Variants in SLC26A6 observed in about 807,000 individuals in gnomAD.
The protein encoded by SLC26A6 is solute carrier family 26 member 6.
Under a neutral mutation model 87.1 loss-of-function variants are expected in SLC26A6, and 67 were observed. The ratio of observed to expected loss-of-function variants is 0.77; its 90% CI spans 0.63 to 0.94. SLC26A6 has a LOEUF of 0.94. Among genes scored for constraint, SLC26A6 ranks in the 40% least tolerant of loss-of-function variants. The pLI is 0.00. For synonymous variants in SLC26A6, 414 were observed against 405.9 expected (o/e 1.02, Z -0.24); for missense variants, 902 against 973.0 (o/e 0.93, Z 0.97).
chr3:48,628,305 C>T lies in SLC26A6; in HGVS notation c.1800+129G>A. 1.5e-6 allele frequency: 2 copies of T among 1,299,054 alleles called. No individual in the cohort carries two copies. The highest frequency in any genetic ancestry group is 2.1e-6 in the Non-Finnish European group (2 of 935,150). 80.5% of individuals were successfully genotyped at this position (1,299,054 alleles called of 1,614,324 possible). A position where few individuals can be genotyped will look rare whatever the true frequency, so the allele number is the denominator to read the frequency against. ...CTGCTAGGGGAGTGAAGCAGGGTCC[C>T]TGGGAGCATGAGGGAGAAAGGGGAA... On this transcript the variant is annotated intron_variant, in intron 16 of 20. Coordinates refer to ENST00000395550, the MANE Select transcript of SLC26A6 (RefSeq NM_022911.3). This position sits in a 1 kb window ranked among gnomAD's most constrained non-coding sequence, Gnocchi z 4.4.
At position 48,626,686 on chromosome 3, in the gene SLC26A6, CTG is replaced by C. The variant is rs1182907821; in HGVS notation, c.2074-3_2074-2del. The C allele has an allele frequency of 6.2e-7, 1 of 1,614,106 alleles. No homozygotes were observed. The highest frequency in any genetic ancestry group is 1.7e-5 in the Admixed American group (1 of 60,014). On this transcript the variant is annotated splice_acceptor_variant and splice_polypyrimidine_tract_variant and intron_variant, in intron 18 of 20. Transcript: ENST00000395550. LOFTEE classifies it high-confidence loss of function. ...CAATCTCCCGGAAGTCATGGAAAAT[CTG>C]TAGCGGAAAAGGGGGCCAGCCTCAG...
chr3:48,631,826 A>G lies in SLC26A6; in HGVS notation c.751-25T>C, dbSNP rs763728623. ...TCTGAGGAGAGGCCAGGTCACAGCT[A>G]GCACTCAAGGCCATGGGGCACACCT... On this transcript the variant is annotated intron_variant, in intron 6 of 20. Coordinates refer to ENST00000395550, the MANE Select transcript of SLC26A6 (RefSeq NM_022911.3). The G allele has an allele frequency of 4.3e-6, 7 of 1,613,098 alleles. No homozygotes were observed. The Admixed American group carries it at 1.0e-4, about 23-fold the overall frequency.
Position 48,628,811 on chromosome 3 carries a change from C to T in SLC26A6, c.1600-97G>A. The T allele has an allele frequency of 1.4e-6, 2 of 1,389,792 alleles. No individual in the cohort carries two copies. The highest frequency in any genetic ancestry group is 1.0e-6 in the Non-Finnish European group (1 of 1,004,166). 86.1% of individuals were successfully genotyped at this position (1,389,792 alleles called of 1,614,324 possible). ...CTTCCCTAGTGTGCCCAGTGCCTGC[C>T]ACCGCCCAGCCCTCTGCTCCCCAGG... On this transcript the variant is annotated intron_variant, in intron 14 of 20. Transcript: ENST00000395550. This position sits in a 1 kb window ranked among gnomAD's most constrained non-coding sequence, Gnocchi z 4.4.
intron 11 of SLC26A6, 106 bp from the exon 12 acceptor site, chr3:48,630,263 C>A: frequency 7.2e-7 from 1 of 1,380,978 alleles, no homozygotes; most frequent in Non-Finnish European, 1.0e-6. Context: ...GGCAGTACCC[C>A]AGACACAAAC....
intron 1 of SLC26A6, chr3:48,633,926 G>A (rs1195817120): frequency 4.0e-6 from 5 of 1,262,980 alleles, no homozygotes; most frequent in Non-Finnish European, 5.1e-6. Context: ...GCCCAGTGCT[G>A]AGTGTTCTAC....
Position 48,628,948 on chromosome 3 carries a change from C to T in SLC26A6, c.1600-234G>A, listed in dbSNP as rs372363219. Among the ~76,000 whole-genome samples the T allele has an allele frequency of 6.6e-6, 1 of 152,292 alleles. No individual in the cohort carries two copies. The highest frequency in any genetic ancestry group is 2.4e-5 in the African/African-American group (1 of 41,560). ...CTCCTGCCACCACCCAGGCAGGCTT[C>T]ACAGGCTCTTAACCTTTCTCTTGGG... On this transcript the variant is annotated intron_variant, in intron 14 of 20. Coordinates refer to ENST00000395550, the MANE Select transcript of SLC26A6 (RefSeq NM_022911.3). The surrounding 1 kb of genome is among the most constrained non-coding windows in gnomAD (Gnocchi z 4.4).
In SLC26A6 at chr3:48,626,771, G is replaced by T. The variant is rs769307062; in HGVS notation, c.2074-86C>A. On this transcript the variant is annotated intron_variant, in intron 18 of 20. Transcript: ENST00000395550. ...GCAGGCTTGGGGAGGGAGTTTAGAA[G>T]GGGAGCTTTGAGGGTTTGGGGAGTC... is the stretch of plus-strand genomic sequence containing the variant. 6.7e-4 allele frequency: 1,083 copies of T among 1,608,932 alleles called. 1 individual carries two copies. The highest frequency in any genetic ancestry group is 8.7e-4 in the Non-Finnish European group (1,021 of 1,176,348).
chr3:48,633,193 C>T lies in SLC26A6; in HGVS notation c.322+58G>A. Reference sequence around the variant, plus strand: ...AGTTCCAAGGTAGAGGTCATGGCCCCAGTTTTGGGCATCACAGACCACAGG... The same window carrying T: ...AGTTCCAAGGTAGAGGTCATGGCCCTAGTTTTGGGCATCACAGACCACAGG... On this transcript the variant is annotated intron_variant, in intron 3 of 20. Transcript: ENST00000395550. 3.8e-6 allele frequency: 6 copies of T among 1,594,480 alleles called. No homozygotes were observed. In the South Asian group the frequency reaches 6.8e-5, roughly 18 times the overall value.
chr3:48,632,833 T>C (rs1242541691), intron 4 of SLC26A6, 141 bp downstream of exon 4: 1 of 830,520 alleles, frequency 1.2e-6, no homozygotes, highest in Non-Finnish European at 2.0e-6. Context: ...TGCCTGGGGA[T>C]GACTCGTGGG....
At chr3:48,633,869 G>A in intron 1 of SLC26A6, 1 of 1,410,156 alleles carries the variant, frequency 7.1e-7, no homozygotes, top group South Asian at 1.5e-5. Context: ...CCCCCAAGTA[G>A]GGACTGCAGG....
chr3:48,631,746 G>A lies in SLC26A6; in HGVS notation c.806C>T (p.Thr269Ile). The change falls in exon 7 of 21, where the codon ACT (threonine) becomes ATT (isoleucine). Residue 269 changes from threonine to isoleucine, a missense_variant. Coordinates refer to ENST00000395550, the MANE Select transcript of SLC26A6 (RefSeq NM_022911.3). ...LPQSKVGTVV[T>I]AAVAGVVLVV... is the part of the protein sequence containing the mutation. ...GAGCACCACCCCAGCCACAGCTGCA[G>A]TGACCACGGTGCCAACCTTGCTCTG... The A allele has an allele frequency of 6.2e-7, 1 of 1,613,604 alleles. No individual in the cohort carries two copies. Among genetic ancestry groups the A allele is most frequent in the Non-Finnish European group, 8.5e-7 (1 of 1,180,030 alleles).
chr3:48,630,386 T>A, intron 11 of SLC26A6, 52 bp downstream of exon 11: 1 of 1,533,502 alleles, frequency 6.5e-7, no homozygotes, highest in Non-Finnish European at 8.8e-7. Context: ...ACTGGCTGAT[T>A]TGAGAGCCCT....
In SLC26A6 at chr3:48,629,631, C is replaced by T. The variant is rs1310120981; in HGVS notation, c.1599+11G>A. The T allele has an allele frequency of 1.9e-6, 3 of 1,606,356 alleles. No homozygotes were observed. The African/African-American group carries it at 4.0e-5, about 22-fold the overall frequency. On this transcript the variant is annotated intron_variant, in intron 14 of 20. Coordinates refer to ENST00000395550, the MANE Select transcript of SLC26A6 (RefSeq NM_022911.3). ...CCATCCACACCATCTCACTCAGCCC[C>T]TGACACTCACCTCTGAGTACTCTGC...
intron 19 of SLC26A6, 68 bp downstream of exon 19, chr3:48,626,563 G>A (rs2046628031): frequency 6.2e-7 from 1 of 1,607,760 alleles, no homozygotes; most frequent in East Asian, 2.2e-5. Flanking sequence ...GTGCTACTTG[G>A]AAAACCCCTT....
intron 20 of SLC26A6, 26 bp downstream of exon 20, chr3:48,626,192 G>T (rs751166660): frequency 6.2e-7 from 1 of 1,613,902 alleles, no homozygotes; most frequent in Non-Finnish European, 8.5e-7. Context: ...ACAAAAAAGA[G>T]CTTGGCAGGC....
chr3:48,632,404 G>A lies in SLC26A6; in HGVS notation c.434-8C>T. 6.2e-7 allele frequency: 1 copy of A among 1,601,690 alleles called. No homozygotes were observed. Among genetic ancestry groups the A allele is most frequent in the Non-Finnish European group, 8.5e-7 (1 of 1,173,308 alleles). On this transcript the variant is annotated splice_region_variant and splice_polypyrimidine_tract_variant and intron_variant, in intron 4 of 20. Transcript: ENST00000395550. ...ACATGACAGCAAAGGTCCCTGTAAG[G>A]ACGGCACGGGGCAGGTCTGAAGAGG...
intron 3 of SLC26A6, 66 bp downstream of exon 3, chr3:48,633,180 GAGGTC>G: frequency 6.3e-7 from 1 of 1,589,970 alleles, no homozygotes; most frequent in Non-Finnish European, 8.6e-7. Context: ...TTCCAAGGTA[GAGGTC>G]ATGGCCCCAG....
chr3:48,632,534 T>G (rs2046835080), intron 4 of SLC26A6, 138 bp from the exon 5 acceptor site: 1 of 1,267,252 alleles, frequency 7.9e-7, no homozygotes, highest in Admixed American at 2.0e-5. Flanking sequence ...ACAGGGACAG[T>G]GCTGGCGGTT....
rs2046623477 is a variant in SLC26A6, at chr3:48,626,408, T to TC, written c.2129-55dup. 6.8e-6 allele frequency: 11 copies of TC among 1,611,102 alleles called. No individual in the cohort carries two copies. The South Asian group carries it at 1.1e-4, about 16-fold the overall frequency. ...CTCTCAGAACCTCTAGGAACTCAAC[T>TC]CCCGGGAGCCAACAGAATGCCCTGA... On this transcript the variant is annotated intron_variant, in intron 19 of 20. Coordinates refer to ENST00000395550, the MANE Select transcript of SLC26A6 (RefSeq NM_022911.3).
Sources: gnomAD v4.1 joint callset for allele counts (sites outside exome capture counted in the v4.1 genomes callset) on GRCh38, gnomAD v4.1.1 for gene constraint, Gnocchi (gnomAD v3.1) non-coding constraint, MANE v1.5 for transcripts, NCBI Gene and HGNC (gene_info 2026-07-23, HGNC 2026-07-21) for gene names.